ERICH2: variants seen among roughly 807,000 people sequenced by gnomAD.
The protein encoded by ERICH2 is glutamate rich 2, also known as glutamate-rich protein 2.
ERICH2 carries 17 observed loss-of-function variants against 17.4 expected under a neutral mutation model. The ratio of observed to expected loss-of-function variants is 0.98; its 90% CI spans 0.67 to 1.47. The LOEUF (loss-of-function observed/expected upper bound fraction) is 1.47. Among genes scored for constraint, ERICH2 ranks in the 40% most tolerant of loss-of-function variants. ERICH2 has a pLI of 0.00. For missense variants in ERICH2, 186 were observed against 183.2 expected (o/e 1.01, Z -0.09); for synonymous variants, 51 against 61.1 (o/e 0.83, Z 0.77).
chr2:170,789,722 C>G (rs1701240739), intron 2 of ERICH2, among the ~76,000 whole-genome samples: 2 of 152,104 alleles, frequency 1.3e-5, no homozygotes, highest in Non-Finnish European at 2.9e-5. Flanking sequence ...ACACATAGGT[C>G]AATACAAGGG....
intron 1 of ERICH2, chr2:170,783,943 G>A (rs897153230): frequency 1.3e-6 from 2 of 1,546,430 alleles, no homozygotes; most frequent in Non-Finnish European, 1.7e-6. Flanking sequence ...TAGCATTTTG[G>A]GTTTAGAGTC....
intron 3 of ERICH2, 117 bp from the exon 9 acceptor site, chr2:170,797,924 T>C (rs1022746058): frequency 1.4e-5 from 9 of 661,236 alleles, no homozygotes; most frequent in Non-Finnish European, 2.4e-5. Flanking sequence ...TGTTAGTGTT[T>C]ATTGCATTGT....
At chr2:170,789,828 A>G (rs1701243778) in intron 2 of ERICH2, among the ~76,000 whole-genome samples, 1 of 152,174 alleles carries the variant, frequency 6.6e-6, no homozygotes, top group South Asian at 2.1e-4. Flanking sequence ...AGAAATTCCT[A>G]AATGTTTAGG....
At chr2:170,778,461 A>G in the ERICH2 span, among the ~76,000 whole-genome samples, 1 of 152,116 alleles carries the variant, frequency 6.6e-6, no homozygotes, top group Non-Finnish European at 1.5e-5. Context: ...TAGACAACAT[A>G]TATTTAAATT....
chr2:170,776,811 A>G, the ERICH2 span, among the ~76,000 whole-genome samples: 3,105 of 151,666 alleles, frequency 0.02, 118 homozygotes, highest in African/African-American at 0.072. Context: ...GTACGTGTGA[A>G]GGTTGGTTAC....
intron 2 of ERICH2, among the ~76,000 whole-genome samples, chr2:170,790,685 T>C (rs570017631): frequency 6.6e-6 from 1 of 151,232 alleles, no homozygotes; most frequent in South Asian, 2.1e-4. Flanking sequence ...ATGCCTGTAA[T>C]CCCAGCTTCT....
intron 2 of ERICH2, among the ~76,000 whole-genome samples, chr2:170,787,659 CCT>C (rs1291014981): frequency 6.6e-6 from 1 of 152,210 alleles, no homozygotes; most frequent in African/African-American, 2.4e-5. Context: ...TTGCTGGAGC[CCT>C]CTGTCTTTGT....
intron 3 of ERICH2, among the ~76,000 whole-genome samples, chr2:170,797,156 T>C (rs1220373272): frequency 2.6e-5 from 4 of 152,144 alleles, no homozygotes; most frequent in South Asian, 4.2e-4. Flanking sequence ...ACAGTAAAAG[T>C]TGTCAAGATG....
At chr2:170,771,694 G>T in the ERICH2 span, among the ~76,000 whole-genome samples, 33 of 152,278 alleles carry the variant, frequency 2.2e-4, no homozygotes, top group African/African-American at 7.9e-4. This position sits in a 1 kb window ranked among gnomAD's most constrained non-coding sequence, Gnocchi z 4.8. Flanking sequence ...TACAAATTTC[G>T]ATGGAATTTG....
chr2:170,780,965 C>T (rs896698388), upstream of ERICH2, among the ~76,000 whole-genome samples: 5 of 152,130 alleles, frequency 3.3e-5, no homozygotes, highest in Admixed American at 6.5e-5. Context: ...TTCTTGGATG[C>T]TTTCTGTCAC....
At position 170,798,861 on chromosome 2, in the gene ERICH2, CG is replaced by C. The variant is rs1701495378; in HGVS notation, c.439del (p.Glu147ArgfsTer17). On this transcript the variant is annotated frameshift_variant, in exon 5 of 5. Transcript: ENST00000409885. LOFTEE classifies it high-confidence loss of function. ...GAGAAAGCGATGAGGAGCTGAGTGA[CG>C]AGAGCTCTGACGAAGGTGAAGATGG... 2.6e-6 allele frequency: 4 copies of C among 1,550,592 alleles called. No homozygotes were observed.
At chr2:170,779,339 CTA>C (rs750702888), upstream of ERICH2, among the ~76,000 whole-genome samples, 1 of 152,090 alleles carries the variant, frequency 6.6e-6, no homozygotes, top group Non-Finnish European at 1.5e-5. Flanking sequence ...TTAGGGAAAA[CTA>C]AAAGTTTTTT....
the ERICH2 span, chr2:170,777,748 T>C: frequency 8.8e-6 from 9 of 1,018,892 alleles, no homozygotes; most frequent in Non-Finnish European, 1.1e-5. Context: ...AACTAGATAA[T>C]GCAGCCATTT....
upstream of ERICH2, chr2:170,782,364 A>G (rs114060501): frequency 5.2e-4 from 515 of 984,004 alleles, 4 homozygotes; most frequent in African/African-American, 8.3e-3. Context: ...ACCTATTGTC[A>G]TCTTCCTGCT....
At chr2:170,775,845 T>C in the ERICH2 span, 1 of 144,166 alleles carries the variant, frequency 6.9e-6, no homozygotes, top group African/African-American at 2.6e-5. Flanking sequence ...TAAGTCAATA[T>C]AAAGGAGTTG....
At chr2:170,788,985 A>C (rs1451785427) in intron 2 of ERICH2, among the ~76,000 whole-genome samples, 1 of 149,760 alleles carries the variant, frequency 6.7e-6, no homozygotes, top group Admixed American at 6.6e-5. Flanking sequence ...TTTTTGAGAC[A>C]GAGTATTGCT....
the ERICH2 span, among the ~76,000 whole-genome samples, chr2:170,775,494 C>T: frequency 6.6e-6 from 1 of 151,864 alleles, no homozygotes; most frequent in Non-Finnish European, 1.5e-5. Context: ...TATACAGGTA[C>T]CCAGGGGATT....
intron 2 of ERICH2, among the ~76,000 whole-genome samples, chr2:170,791,572 C>A (rs1399469517): frequency 6.6e-6 from 1 of 150,650 alleles, no homozygotes; most frequent in African/African-American, 2.4e-5. Context: ...CGCCTGTAGT[C>A]CCAGCTACTA....
intron 2 of ERICH2, among the ~76,000 whole-genome samples, chr2:170,790,065 T>C (rs760219219): frequency 3.3e-5 from 5 of 152,230 alleles, no homozygotes; most frequent in Admixed American, 6.5e-5. Flanking sequence ...TAAAAATAGC[T>C]GTATATTTTA....
Sources: gnomAD v4.1 joint callset for allele counts (sites outside exome capture counted in the v4.1 genomes callset) on GRCh38, gnomAD v4.1.1 for gene constraint, Gnocchi (gnomAD v3.1) non-coding constraint, MANE v1.5 for transcripts, NCBI Gene and HGNC (gene_info 2026-07-23, HGNC 2026-07-21) for gene names.